The following RASA3 variants were observed in gnomAD, a reference collection of about 807,000 sequenced individuals.
RASA3 encodes RAS p21 protein activator 3.
RASA3 carries 73 observed loss-of-function variants against 110.0 expected under a neutral mutation model. The ratio of observed to expected loss-of-function variants is 0.66; its 90% CI spans 0.55 to 0.81. The LOEUF is 0.81. RASA3 is among the 30% of genes least tolerant of loss of function. The probability of loss-of-function intolerance (pLI) is 0.00; values close to 1 mark genes in which losing one functional copy is unlikely to be tolerated. For missense variants in RASA3, 976 were observed against 1,113.2 expected, an observed-to-expected ratio of 0.88 and a Z score of 1.75; for synonymous variants, 500 against 451.4, an observed-to-expected ratio of 1.11 and a Z score of -1.37.
intron 1 of RASA3, among the ~76,000 whole-genome samples, chr13:114,081,962 G>A (rs2079794306): frequency 6.6e-6 from 1 of 152,198 alleles, no homozygotes; most frequent in Admixed American, 6.5e-5. Flanking sequence ...CTCACCGGCT[G>A]CAGCTGCACA....
At chr13:114,090,981 A>C in intron 1 of RASA3, among the ~76,000 whole-genome samples, 1 of 152,182 alleles carries the variant, frequency 6.6e-6, no homozygotes, top group East Asian at 1.9e-4. Context: ...TAATACCAGA[A>C]ATGCATGGTA....
At chr13:113,982,444 C>T (rs1207850109) in intron 22 of RASA3, among the ~76,000 whole-genome samples, 3 of 152,248 alleles carry the variant, frequency 2.0e-5, no homozygotes, top group Non-Finnish European at 2.9e-5. Flanking sequence ...ACCTACGCAC[C>T]GGGGCCACCT....
chr13:114,005,698 A>ATGTGCTGGG (rs1023980579), intron 18 of RASA3, among the ~76,000 whole-genome samples: 5 of 151,984 alleles, frequency 3.3e-5, no homozygotes, highest in African/African-American at 1.2e-4. Flanking sequence ...ATCTTCTGGA[A>ATGTGCTGGG]TGTGCTGGGT....
At chr13:113,998,930 G>A (rs1299056524) in intron 20 of RASA3, among the ~76,000 whole-genome samples, 4 of 152,248 alleles carry the variant, frequency 2.6e-5, no homozygotes, top group Admixed American at 6.5e-5. Context: ...CGCCGGCGAC[G>A]TGCGATGGTG....
At chr13:114,101,782 G>C (rs1010637772) in intron 1 of RASA3, among the ~76,000 whole-genome samples, 7 of 152,300 alleles carry the variant, frequency 4.6e-5, no homozygotes, top group South Asian at 4.1e-4. Flanking sequence ...AGGCTTGTGG[G>C]CCCTGAAGTC....
intron 8 of RASA3, among the ~76,000 whole-genome samples, chr13:114,022,133 G>C (rs60726596): frequency 0.32 from 48,019 of 152,076 alleles, 7,687 homozygotes; most frequent in East Asian, 0.41. Flanking sequence ...CACAGCGGGG[G>C]GAGAACTGTG....
At chr13:114,108,151 C>G (rs1281449433) in intron 1 of RASA3, among the ~76,000 whole-genome samples, 2 of 152,034 alleles carry the variant, frequency 1.3e-5, no homozygotes, top group African/African-American at 4.8e-5. Flanking sequence ...CCTATCATCC[C>G]ACAACCCATC....
chr13:114,071,241 C>T (rs2079568272), intron 2 of RASA3, among the ~76,000 whole-genome samples: 2 of 152,196 alleles, frequency 1.3e-5, no homozygotes, highest in African/African-American at 4.8e-5. Flanking sequence ...CCTCAGCCTC[C>T]CAAAGTGCTG....
At chr13:114,012,772 T>C (rs867685729) in intron 15 of RASA3, among the ~76,000 whole-genome samples, 3 of 71,816 alleles carry the variant, frequency 4.2e-5, no homozygotes, top group Non-Finnish European at 5.5e-5. Flanking sequence ...CCATTCCACA[T>C]GCCTTCCACA....
intron 1 of RASA3, among the ~76,000 whole-genome samples, chr13:114,076,982 T>C (rs1021108250): frequency 5.9e-5 from 9 of 152,214 alleles, no homozygotes; most frequent in African/African-American, 2.2e-4. Context: ...TTGTTTTGTT[T>C]TCTGGGATTT....
chr13:114,043,429 C>T (rs947178500), intron 3 of RASA3, among the ~76,000 whole-genome samples: 2 of 152,140 alleles, frequency 1.3e-5, no homozygotes, highest in Non-Finnish European at 2.9e-5. Context: ...GCCCTGGGAA[C>T]AGCCCTGGAA....
intron 2 of RASA3, among the ~76,000 whole-genome samples, chr13:114,058,461 C>T (rs77282003): frequency 0.035 from 5,381 of 152,356 alleles, 342 homozygotes; most frequent in African/African-American, 0.12. Flanking sequence ...CCAGACCGGA[C>T]GGAAAACACA....
chr13:114,046,363 C>T (rs1217383540), intron 3 of RASA3, among the ~76,000 whole-genome samples: 1 of 152,226 alleles, frequency 6.6e-6, no homozygotes, highest in Non-Finnish European at 1.5e-5. Flanking sequence ...TCTGAAACTG[C>T]TCCTGCACAG....
At chr13:114,042,357 C>T (rs754494647) in intron 3 of RASA3, among the ~76,000 whole-genome samples, 5 of 152,250 alleles carry the variant, frequency 3.3e-5, no homozygotes, top group Non-Finnish European at 4.4e-5. Flanking sequence ...GACCGATGCA[C>T]GTGAACTCCT....
intron 4 of RASA3, among the ~76,000 whole-genome samples, chr13:114,038,853 C>A (rs1361890111): frequency 2.0e-5 from 3 of 152,226 alleles, no homozygotes; most frequent in Non-Finnish European, 4.4e-5. Context: ...AACTTGCGGG[C>A]ACAGAGCCTC....
chr13:114,068,328 GA>G (rs1319758885), intron 2 of RASA3, among the ~76,000 whole-genome samples: 7 of 152,264 alleles, frequency 4.6e-5, no homozygotes, highest in African/African-American at 1.7e-4. Context: ...CCTGAGCCAG[GA>G]CTGTCTGCGT....
intron 1 of RASA3, among the ~76,000 whole-genome samples, chr13:114,093,086 C>G (rs1205019217): frequency 6.6e-6 from 1 of 152,160 alleles, no homozygotes; most frequent in Non-Finnish European, 1.5e-5. Context: ...TATCTCCTAA[C>G]TAATTGTTGT....
chr13:114,013,686 CT>C (rs1487166904), intron 14 of RASA3, among the ~76,000 whole-genome samples: 3 of 88,414 alleles, frequency 3.4e-5, no homozygotes, highest in Admixed American at 1.1e-4. Flanking sequence ...GTCTCTCTCC[CT>C]ATCTCTGTCT....
intron 7 of RASA3, among the ~76,000 whole-genome samples, chr13:114,026,942 C>T (rs1329330015): frequency 1.3e-5 from 2 of 152,216 alleles, no homozygotes; most frequent in Non-Finnish European, 2.9e-5. Context: ...GAATCCTTTC[C>T]CCTTTGTTTC....
Sources: gnomAD v4.1 joint callset for allele counts (sites outside exome capture counted in the v4.1 genomes callset) on GRCh38, gnomAD v4.1.1 for gene constraint, MANE v1.5 for transcripts, NCBI Gene and HGNC (gene_info 2026-07-23, HGNC 2026-07-21) for gene names.